MCTP1: variants seen among roughly 807,000 people sequenced by gnomAD.
MCTP1 encodes multiple C2 and transmembrane domain containing 1.
MCTP1 carries 69 observed loss-of-function variants against 120.6 expected under a neutral mutation model. That is an observed-to-expected ratio of 0.57 (90% CI 0.47 to 0.70). The LOEUF is 0.70. Among genes scored for constraint, MCTP1 ranks in the 30% least tolerant of loss-of-function variants. MCTP1 has a pLI of 0.00. For missense variants in MCTP1, 1,203 were observed against 1,248.8 expected (o/e 0.96, Z 0.55); for synonymous variants, 529 against 493.1 (o/e 1.07, Z -0.96).
At chr5:95,116,756 C>G (rs1000556462) in intron 1 of MCTP1, among the ~76,000 whole-genome samples, 76 of 152,038 alleles carry the variant, frequency 5.0e-4, no homozygotes. Flanking sequence ...CTTCACTTCC[C>G]TTGTTAGCTG....
intron 1 of MCTP1, among the ~76,000 whole-genome samples, chr5:95,216,552 C>G (rs1753053465): frequency 6.6e-6 from 1 of 152,182 alleles, no homozygotes; most frequent in Admixed American, 6.5e-5. Flanking sequence ...TGGCTCTACA[C>G]AAATTGTATG....
At chr5:95,046,038 A>G (rs1412252481) in intron 1 of MCTP1, among the ~76,000 whole-genome samples, 1 of 152,178 alleles carries the variant, frequency 6.6e-6, no homozygotes, top group Non-Finnish European at 1.5e-5. Context: ...AACAGTGTCA[A>G]GGACTTACTA....
intron 1 of MCTP1, among the ~76,000 whole-genome samples, chr5:95,234,066 G>C (rs1388833161): frequency 6.6e-6 from 1 of 151,748 alleles, no homozygotes; most frequent in Non-Finnish European, 1.5e-5. Context: ...CAGAGTAAGA[G>C]AGGTGACTTC....
At chr5:95,001,937 G>T (rs12653965) in intron 2 of MCTP1, among the ~76,000 whole-genome samples, 14,420 of 152,122 alleles carry the variant, frequency 0.095, 1,044 homozygotes, top group East Asian at 0.39. Flanking sequence ...GGCCTAGGAG[G>T]CAAAAATTAT....
At chr5:95,014,026 C>G (rs1197683064) in intron 2 of MCTP1, among the ~76,000 whole-genome samples, 1 of 151,506 alleles carries the variant, frequency 6.6e-6, no homozygotes, top group Non-Finnish European at 1.5e-5. Flanking sequence ...CTTGGGAGTC[C>G]AAAGGGGGAA....
intron 1 of MCTP1, among the ~76,000 whole-genome samples, chr5:95,281,747 T>C (rs1446665238): frequency 4.6e-5 from 7 of 152,220 alleles, no homozygotes; most frequent in African/African-American, 1.7e-4. Flanking sequence ...CGTGACAAAA[T>C]ATACATGCAA....
At chr5:94,918,003 C>G (rs373262524) in intron 7 of MCTP1, 30 bp from the exon 8 acceptor site, 2 of 1,579,336 alleles carry the variant, frequency 1.3e-6, no homozygotes, top group African/African-American at 2.7e-5. Context: ...CAGAGCTGTA[C>G]GGGGAAGCTT....
intron 17 of MCTP1, among the ~76,000 whole-genome samples, chr5:94,830,744 C>T (rs752805389): frequency 2.6e-5 from 4 of 152,186 alleles, no homozygotes; most frequent in Non-Finnish European, 5.9e-5. Context: ...CTCACGGTCA[C>T]GCTCTTCTCA....
intron 1 of MCTP1, among the ~76,000 whole-genome samples, chr5:95,037,433 T>G (rs1186929985): frequency 6.6e-6 from 1 of 152,152 alleles, no homozygotes; most frequent in Non-Finnish European, 1.5e-5. Flanking sequence ...AGGAAGGAAA[T>G]ATAACAACAT....
At chr5:94,759,564 G>A (rs1001711032) in intron 19 of MCTP1, among the ~76,000 whole-genome samples, 1 of 152,044 alleles carries the variant, frequency 6.6e-6, no homozygotes, top group Non-Finnish European at 1.5e-5. Context: ...GACATCTTAC[G>A]TCTAAAACAC....
intron 17 of MCTP1, among the ~76,000 whole-genome samples, chr5:94,832,657 C>A (rs577937576): frequency 1.3e-5 from 2 of 151,652 alleles, no homozygotes; most frequent in East Asian, 1.9e-4. Flanking sequence ...CTTCCCTACT[C>A]CCCTTCAGAA....
At chr5:95,118,108 C>G (rs1000847453) in intron 1 of MCTP1, among the ~76,000 whole-genome samples, 1 of 152,204 alleles carries the variant, frequency 6.6e-6, no homozygotes, top group South Asian at 2.1e-4. Flanking sequence ...ATAGATGCAC[C>G]AAACCTCCAT....
intron 1 of MCTP1, among the ~76,000 whole-genome samples, chr5:95,134,579 T>C (rs1759292721): frequency 6.6e-6 from 1 of 152,178 alleles, no homozygotes; most frequent in Non-Finnish European, 1.5e-5. Context: ...CTTATGTTGA[T>C]GCTGGCTATC....
Position 95,210,047 on chromosome 5 carries a change from T to C in MCTP1, c.720+73809A>G, listed in dbSNP as rs554246137. On this transcript the variant is annotated intron_variant, in intron 1 of 22. Transcript: ENST00000515393. ...CTGTGGTCTGAGAGATAGTTTGTTA[T>C]AATTTCTGTTCTTTTACATTTGCTG... is the stretch of plus-strand genomic sequence containing the variant. 8.1e-4 allele frequency among the ~76,000 whole-genome samples: 123 copies of C among 152,338 alleles called. 1 individual carries two copies. Among genetic ancestry groups the C allele is most frequent in the African/African-American group, 2.4e-3 (101 of 41,576 alleles).
chr5:95,101,629 C>T (rs775480155), intron 1 of MCTP1, among the ~76,000 whole-genome samples: 1 of 152,176 alleles, frequency 6.6e-6, no homozygotes, highest in Non-Finnish European at 1.5e-5. Context: ...GGAAAGGGGG[C>T]TGCAGGCACA....
intron 2 of MCTP1, among the ~76,000 whole-genome samples, chr5:94,988,223 C>T (rs1018105248): frequency 2.6e-5 from 4 of 152,094 alleles, no homozygotes; most frequent in African/African-American, 7.2e-5. Context: ...GAATACTATA[C>T]TAAAAGCACT....
chr5:94,951,224 T>C (rs963427000), intron 3 of MCTP1, among the ~76,000 whole-genome samples: 1 of 152,190 alleles, frequency 6.6e-6, no homozygotes, highest in Admixed American at 6.5e-5. Flanking sequence ...TCTTTTTTTG[T>C]GTACTTCAGT....
chr5:94,890,761 C>G (rs537152559), intron 11 of MCTP1, among the ~76,000 whole-genome samples: 1 of 152,252 alleles, frequency 6.6e-6, no homozygotes, highest in South Asian at 2.1e-4. Context: ...ATTCAGAAGT[C>G]TAATTAATGG....
At chr5:95,091,932 G>C (rs1024646052) in intron 1 of MCTP1, among the ~76,000 whole-genome samples, 1 of 152,180 alleles carries the variant, frequency 6.6e-6, no homozygotes, top group East Asian at 1.9e-4. Context: ...GGCCCACAAG[G>C]AAAGTCTTAT....
Sources: gnomAD v4.1 joint callset for allele counts (sites outside exome capture counted in the v4.1 genomes callset) on GRCh38, gnomAD v4.1.1 for gene constraint, MANE v1.5 for transcripts, NCBI Gene and HGNC (gene_info 2026-07-23, HGNC 2026-07-21) for gene names.